Variants in DNAH3 observed in about 807,000 individuals in gnomAD.
DNAH3 encodes dynein axonemal heavy chain 3, also known as axonemal beta dynein heavy chain 3.
Under a neutral mutation model 432.5 loss-of-function variants are expected in DNAH3, and 332 were observed. The ratio of observed to expected loss-of-function variants is 0.77; its 90% CI spans 0.70 to 0.84. The LOEUF (loss-of-function observed/expected upper bound fraction) is 0.84. Among genes scored for constraint, DNAH3 ranks in the 40% least tolerant of loss-of-function variants. The pLI is 0.00. For synonymous variants in DNAH3, 1,956 were observed against 1,900.2 expected (o/e 1.03, Z -0.76); for missense variants, 4,861 against 5,114.0 (o/e 0.95, Z 1.51).
intron 12 of DNAH3, among the ~76,000 whole-genome samples, chr16:21,114,472 T>C (rs919495093): frequency 1.3e-5 from 2 of 152,182 alleles, no homozygotes; most frequent in Non-Finnish European, 2.9e-5. Context: ...CTCAGTGGCA[T>C]GCTTCCAAGA....
chr16:21,029,297 C>T (rs1241889616), intron 37 of DNAH3, among the ~76,000 whole-genome samples: 1 of 152,160 alleles, frequency 6.6e-6, no homozygotes, highest in Non-Finnish European at 1.5e-5. Context: ...TTGAGCATGA[C>T]TCACTCTTAG....
chr16:21,080,700 G>A (rs950146810), intron 20 of DNAH3, among the ~76,000 whole-genome samples: 3 of 152,140 alleles, frequency 2.0e-5, no homozygotes, highest in African/African-American at 7.2e-5. Flanking sequence ...CCTAGCTGAC[G>A]CTGATGCAGC....
intron 8 of DNAH3, among the ~76,000 whole-genome samples, chr16:21,126,147 G>A (rs534281613): frequency 1.3e-5 from 2 of 151,986 alleles, no homozygotes; most frequent in South Asian, 4.2e-4. Flanking sequence ...TTGAGTGACA[G>A]AGTGAGTGAA....
chr16:20,945,357 C>T (rs1400064352), intron 57 of DNAH3, among the ~76,000 whole-genome samples: 1 of 152,146 alleles, frequency 6.6e-6, no homozygotes, highest in East Asian at 1.9e-4. Context: ...CTTGGAATTG[C>T]CCACCCCTTT....
intron 49 of DNAH3, among the ~76,000 whole-genome samples, chr16:20,981,148 G>T (rs554180259): frequency 4.6e-5 from 7 of 152,318 alleles, no homozygotes; most frequent in African/African-American, 1.7e-4. Flanking sequence ...GTTCTGCAAA[G>T]AACTGATTCC....
chr16:21,005,823 C>T (rs2087272794), intron 41 of DNAH3, among the ~76,000 whole-genome samples: 1 of 150,868 alleles, frequency 6.6e-6, no homozygotes, highest in African/African-American at 2.4e-5. Flanking sequence ...CTAAGGTATG[C>T]AGACATTGCT....
At chr16:21,031,101 G>C (rs890854796) in exon 37 of DNAH3, 1 of 1,614,026 alleles carries the variant, frequency 6.2e-7, no homozygotes, top group Non-Finnish European at 8.5e-7. Context: ...GCATCCACTG[G>C]CCCATCAAAT....
At chr16:21,106,739 T>C (rs1478795593) in intron 14 of DNAH3, 65 bp from the exon 15 acceptor site, 4 of 1,313,130 alleles carry the variant, frequency 3.0e-6, no homozygotes. Flanking sequence ...CTAAAATGAC[T>C]TTCTTGTAAG....
At chr16:20,938,684 A>AAG (rs2152566123) in intron 59 of DNAH3, among the ~76,000 whole-genome samples, 1 of 151,734 alleles carries the variant, frequency 6.6e-6, no homozygotes, top group East Asian at 1.9e-4. Flanking sequence ...AAAAAAAAAA[A>AAG]AAAGGGAAAG....
chr16:21,136,482 C>A (rs200178510), exon 6 of DNAH3: 18 of 1,614,132 alleles, frequency 1.1e-5, no homozygotes, highest in Non-Finnish European at 1.5e-5. Context: ...CATGTCTTTG[C>A]GAATTCCATT....
intron 1 of DNAH3, among the ~76,000 whole-genome samples, chr16:21,152,888 G>A (rs1040685548): frequency 6.6e-6 from 1 of 152,188 alleles, no homozygotes; most frequent in Non-Finnish European, 1.5e-5. Flanking sequence ...CACCCCCTCC[G>A]TGGGCTCCTG....
intron 44 of DNAH3, among the ~76,000 whole-genome samples, chr16:20,991,094 G>T (rs915833762): frequency 2.6e-5 from 4 of 152,056 alleles, no homozygotes; most frequent in Admixed American, 2.0e-4. Context: ...AAAGCCTCTC[G>T]ACAGAGCCCA....
intron 44 of DNAH3, among the ~76,000 whole-genome samples, chr16:20,992,436 C>T (rs565242563): frequency 1.3e-5 from 2 of 152,128 alleles, no homozygotes; most frequent in Admixed American, 6.5e-5. Context: ...AGCTCCGCCT[C>T]CCGGGTTCAC....
intron 18 of DNAH3, among the ~76,000 whole-genome samples, chr16:21,090,986 T>G (rs1464729482): frequency 1.3e-5 from 2 of 151,964 alleles, no homozygotes; most frequent in Non-Finnish European, 2.9e-5. Context: ...ATCCTGTCTC[T>G]ACCAAAAATA....
At chr16:20,968,652 TTCTC>T (rs1051635237) in intron 52 of DNAH3, among the ~76,000 whole-genome samples, 5 of 151,722 alleles carry the variant, frequency 3.3e-5, no homozygotes, top group Non-Finnish European at 5.9e-5. Context: ...ATCCTCCTCT[TTCTC>T]TTTCTTTGTT....
exon 55 of DNAH3, chr16:20,955,011 G>C (rs763113833): frequency 6.2e-7 from 1 of 1,613,784 alleles, no homozygotes; most frequent in Non-Finnish European, 8.5e-7. Context: ...CCATTCTGGA[G>C]AATGCTGACT....
At chr16:20,989,908 G>A (rs2086462512) in intron 44 of DNAH3, among the ~76,000 whole-genome samples, 1 of 152,202 alleles carries the variant, frequency 6.6e-6, no homozygotes, top group Non-Finnish European at 1.5e-5. Flanking sequence ...ATTGCCCGGG[G>A]CCGGCAGGGC....
In DNAH3 at chr16:20,936,869, AG is replaced by A. The variant is rs771051403; in HGVS notation, c.11655-17del. 2 of 1,596,024 alleles carry A rather than the reference AG, an allele frequency of 1.3e-6. No homozygotes were observed. Among genetic ancestry groups the A allele is most frequent in the Admixed American group, 3.4e-5 (2 of 58,396 alleles). ...TTTGGTCAGCCTGCAAGAACAGAGGAGCTGGCTGAGCTGGGCTCTCCGGTGG... is the reference window on the plus strand; with the variant it reads ...TTTGGTCAGCCTGCAAGAACAGAGGACTGGCTGAGCTGGGCTCTCCGGTGG... On this transcript the variant is annotated splice_polypyrimidine_tract_variant and intron_variant, in intron 59 of 61. Coordinates refer to ENST00000261383, the Ensembl canonical transcript of DNAH3.
At chr16:21,066,612 T>C (rs909402408) in intron 24 of DNAH3, among the ~76,000 whole-genome samples, 1 of 152,066 alleles carries the variant, frequency 6.6e-6, no homozygotes, top group Non-Finnish European at 1.5e-5. Context: ...CAATGAATCC[T>C]CCCACCTTGG....
Sources: gnomAD v4.1 joint callset for allele counts (sites outside exome capture counted in the v4.1 genomes callset) on GRCh38, gnomAD v4.1.1 for gene constraint, MANE v1.5 for transcripts, NCBI Gene and HGNC (gene_info 2026-07-23, HGNC 2026-07-21) for gene names.